The following MYO1E variants were observed in gnomAD, a reference collection of about 807,000 sequenced individuals.
MYO1E encodes myosin IE.
In MYO1E, 68 loss-of-function variants were observed where a neutral mutation model predicts 151.1. The observed-to-expected ratio is 0.45, with a 90% confidence interval of 0.37 to 0.55. The LOEUF is 0.55. Among genes scored for constraint, MYO1E ranks in the 20% least tolerant of loss-of-function variants. The pLI, the probability that MYO1E is intolerant of heterozygous loss-of-function variation, is 0.00. For missense variants in MYO1E, 1,363 were observed against 1,389.3 expected (o/e 0.98, Z 0.30); for synonymous variants, 601 against 501.7 (o/e 1.20, Z -2.64).
chr15:59,286,211 C>T (rs1182634543), intron 1 of MYO1E, among the ~76,000 whole-genome samples: 1 of 152,222 alleles, frequency 6.6e-6, no homozygotes, highest in African/African-American at 2.4e-5. Context: ...AAAGTCAGGA[C>T]TTCCTATCCT....
At chr15:59,139,698 CATT>C (rs1312495268) in intron 26 of MYO1E, among the ~76,000 whole-genome samples, 1 of 151,176 alleles carries the variant, frequency 6.6e-6, no homozygotes, top group Non-Finnish European at 1.5e-5. Flanking sequence ...TCCTACCCCT[CATT>C]ATTACTCTGC....
chr15:59,231,728 C>G lies in MYO1E; in HGVS notation c.484G>C (p.Val162Leu), dbSNP rs770956809. ...LLEAFGNAKT[V>L]RNNNSSRFGK... ...AATCGGCTGGAGTTGTTGTTCCGGA[C>G]GGTCTTGGCGTTCCCGAAGGCCTCC... The change falls in exon 6 of 28, where the codon GTC (valine) becomes CTC (leucine). Residue 162 changes from valine to leucine, a missense_variant. Transcript: ENST00000288235. The G allele has an allele frequency of 6.2e-7, 1 of 1,614,136 alleles. No homozygotes were observed.
intron 1 of MYO1E, among the ~76,000 whole-genome samples, chr15:59,328,081 G>T (rs188359239): frequency 1.3e-5 from 2 of 152,356 alleles, no homozygotes; most frequent in East Asian, 3.9e-4. Context: ...AAGCTCCATG[G>T]TGGGGGGGTT....
chr15:59,257,232 A>C (rs28368974), intron 3 of MYO1E, among the ~76,000 whole-genome samples: 23,491 of 152,128 alleles, frequency 0.15, 2,734 homozygotes, highest in East Asian at 0.53. Flanking sequence ...GCCTGTAATC[A>C]CTCCAAGCTA....
intron 12 of MYO1E, among the ~76,000 whole-genome samples, chr15:59,211,158 C>T (rs1211175751): frequency 6.6e-6 from 1 of 150,932 alleles, no homozygotes; most frequent in Non-Finnish European, 1.5e-5. Context: ...TGAGATTGTG[C>T]CACTGCACTT....
chr15:59,370,081 G>C (rs1206436433), intron 1 of MYO1E, among the ~76,000 whole-genome samples: 1 of 152,098 alleles, frequency 6.6e-6, no homozygotes, highest in African/African-American at 2.4e-5. Flanking sequence ...AAAGTGCTGG[G>C]ATTACAGGCG....
chr15:59,372,420 C>A, intron 1 of MYO1E, 78 bp downstream of exon 1: 1 of 1,525,050 alleles, frequency 6.6e-7, no homozygotes, highest in South Asian at 1.2e-5. Context: ...GCAGCGCGCC[C>A]AAGGTGGGTG....
At chr15:59,339,608 T>C (rs1220328347) in intron 1 of MYO1E, among the ~76,000 whole-genome samples, 1 of 152,186 alleles carries the variant, frequency 6.6e-6, no homozygotes, top group African/African-American at 2.4e-5. Context: ...TCATCTGTGT[T>C]TCTCTCCTAA....
Position 59,136,679 on chromosome 15 carries a change from C to T in MYO1E, c.*701G>A. ...AAAAAGATCCTTCTTGTAGTAAGTACAGCATTTAAACACAAACCAATATGG... is the reference window on the plus strand; with the variant it reads ...AAAAAGATCCTTCTTGTAGTAAGTATAGCATTTAAACACAAACCAATATGG... On this transcript the variant is annotated 3_prime_UTR_variant, in exon 28 of 28. Transcript: ENST00000288235. The T allele has an allele frequency of 2.2e-6, 1 of 456,388 alleles. No homozygotes were observed. Among genetic ancestry groups the T allele is most frequent in the South Asian group, 1.5e-5 (1 of 64,556 alleles). 28.3% of individuals were successfully genotyped at this position (456,388 alleles called of 1,614,324 possible). A position where few individuals can be genotyped will look rare whatever the true frequency, so the allele number is the denominator to read the frequency against.
At chr15:59,325,118 T>G (rs2080655506) in intron 1 of MYO1E, among the ~76,000 whole-genome samples, 1 of 151,906 alleles carries the variant, frequency 6.6e-6, no homozygotes, top group African/African-American at 2.4e-5. Context: ...CACTGCAACC[T>G]CCACCTCCTG....
At chr15:59,248,724 G>T (rs963924886) in intron 4 of MYO1E, among the ~76,000 whole-genome samples, 11 of 152,062 alleles carry the variant, frequency 7.2e-5, no homozygotes, top group Non-Finnish European at 1.6e-4. Context: ...GAGATGGGGG[G>T]TTTTCTCCAA....
In MYO1E at chr15:59,303,986, T is replaced by C. The variant is rs542705675; in HGVS notation, c.4-31537A>G. On this transcript the variant is annotated intron_variant, in intron 1 of 27. Transcript: ENST00000288235. The stretch of plus-strand genomic sequence containing the variant: ...TATTTTCATTTTCTTTTCTTTCTTT[T>C]TTTTTTTTTTTTTTAGAGGGAGTTT... Among the ~76,000 whole-genome samples the C allele has an allele frequency of 4.4e-3, 664 of 149,404 alleles. 3 individuals carry two copies. The highest frequency in any genetic ancestry group is 0.013 in the African/African-American group (522 of 40,970).
chr15:59,208,030 C>A, intron 14 of MYO1E: 1 of 1,590,506 alleles, frequency 6.3e-7, no homozygotes. Context: ...AGAAGAGGCC[C>A]ATCTGAAAAA....
chr15:59,146,425 C>G (rs1345720521), intron 26 of MYO1E, among the ~76,000 whole-genome samples: 1 of 152,158 alleles, frequency 6.6e-6, no homozygotes, highest in African/African-American at 2.4e-5. Flanking sequence ...AAGTGATTCT[C>G]ATGCCTGAGT....
At chr15:59,304,589 A>G (rs1453512116) in intron 1 of MYO1E, among the ~76,000 whole-genome samples, 5 of 152,156 alleles carry the variant, frequency 3.3e-5, no homozygotes, top group African/African-American at 1.2e-4. Context: ...CTCATTTCAA[A>G]TGGATGTTGC....
chr15:59,277,677 A>G (rs950198594), intron 1 of MYO1E, among the ~76,000 whole-genome samples: 1 of 152,180 alleles, frequency 6.6e-6, no homozygotes, highest in Non-Finnish European at 1.5e-5. Flanking sequence ...ACTGTAGCAA[A>G]GTTTGTAATA....
rs568451809 is a variant in MYO1E, at chr15:59,280,060, TA to T, written c.4-7612del. Among the ~76,000 whole-genome samples, 5 of 152,336 alleles carry T rather than the reference TA, an allele frequency of 3.3e-5. No homozygotes were observed. The South Asian group carries it at 1.0e-3, about 32-fold the overall frequency. ...TATAAATGTCTGACACTGTTTTCCA[TA>T]TTTTTTATTATTTCATGTCAACTCA... On this transcript the variant is annotated intron_variant, in intron 1 of 27. Transcript: ENST00000288235.
Position 59,136,405 on chromosome 15 carries a change from A to G in MYO1E, c.*975T>C, listed in dbSNP as rs1351119288. 5.6e-6 allele frequency: 1 copy of G among 179,020 alleles called. No homozygotes were observed. Among genetic ancestry groups the G allele is most frequent in the East Asian group, 1.4e-4 (1 of 6,956 alleles). 11.1% of individuals were successfully genotyped at this position (179,020 alleles called of 1,614,324 possible). A position where few individuals can be genotyped will look rare whatever the true frequency, so the allele number is the denominator to read the frequency against. The stretch of plus-strand genomic sequence containing the variant: ...TATTTATTTAGGAGGTGGGGGCAGG[A>G]CGCGGAGTAAGTTTCCTATAGGGAA... On this transcript the variant is annotated 3_prime_UTR_variant, in exon 28 of 28. Coordinates refer to ENST00000288235, the MANE Select transcript of MYO1E (RefSeq NM_004998.4).
In MYO1E at chr15:59,158,321, G is replaced by A. The variant is rs766626418; in HGVS notation, c.2844C>T (p.Ala948=). The stretch of plus-strand genomic sequence containing the variant: ...GAGGGGCAGCTCTCACTGGGTAGTT[G>A]GCATTTTGAGTCCCACTGGAATAAC... ...NTGYSSGTQN[A]NYPVRAAPPP... is the part of the protein sequence containing the mutation. The change falls in exon 25 of 28, where the codon GCC becomes GCT. Residue 948 remains alanine (A), a synonymous_variant. Coordinates refer to ENST00000288235, the MANE Select transcript of MYO1E (RefSeq NM_004998.4). 3.2e-6 allele frequency: 5 copies of A among 1,577,752 alleles called. No homozygotes were observed. Among genetic ancestry groups the A allele is most frequent in the South Asian group, 1.2e-5 (1 of 86,414 alleles).
Sources: allele counts gnomAD v4.1 joint callset (sites outside exome capture counted in the v4.1 genomes callset), GRCh38; gene constraint gnomAD v4.1.1; transcripts MANE v1.5; gene names NCBI Gene and HGNC (gene_info 2026-07-23, HGNC 2026-07-21).